Variants in ELL observed in about 807,000 individuals in gnomAD.
ELL encodes elongation factor for RNA polymerase II, also known as RNA polymerase II elongation factor ELL.
In ELL, 18 loss-of-function variants were observed where a neutral mutation model predicts 64.0. The observed-to-expected ratio is 0.28, with a 90% CI of 0.19 to 0.42. The LOEUF (loss-of-function observed/expected upper bound fraction) is 0.42, where lower values mean the gene tolerates loss of function less well. ELL is among the 10% of genes least tolerant of loss of function. The pLI, the probability that ELL is intolerant of heterozygous loss-of-function variation, is 1.00. For missense variants in ELL, 797 were observed against 870.4 expected, an observed-to-expected ratio of 0.92 and a Z score of 1.06; for synonymous variants, 399 against 376.2, an observed-to-expected ratio of 1.06 and a Z score of -0.70.
chr19:18,456,546 C>T (rs896527532), intron 6 of ELL, among the ~76,000 whole-genome samples: 3 of 152,118 alleles, frequency 2.0e-5, no homozygotes, highest in African/African-American at 4.8e-5. Flanking sequence ...TGGCATGGGG[C>T]TCACAGGAGA....
rs749142621 is a variant in ELL, at chr19:18,443,000, AAAC to A, written c.*1749_*1751del. 8 of 231,982 alleles carry A rather than the reference AAAC, an allele frequency of 3.4e-5. No homozygotes were observed. The highest frequency in any genetic ancestry group is 1.8e-4 in the South Asian group (1 of 5,528). The allele number at this position is 231,982 out of a possible 1,614,324, so 14.4% of individuals were successfully genotyped here. On this transcript the variant is annotated 3_prime_UTR_variant, in exon 12 of 12. Transcript: ENST00000262809. ...TAAAAGGAGAACAAATAAACAACAA[AAAC>A]AACAACAACAACAAAAAGGCAAATT... is the stretch of plus-strand genomic sequence containing the variant.
At chr19:18,477,552 C>T (rs1975202931) in intron 1 of ELL, among the ~76,000 whole-genome samples, 1 of 152,202 alleles carries the variant, frequency 6.6e-6, no homozygotes, top group African/African-American at 2.4e-5. Flanking sequence ...CCACAACAGT[C>T]GCCCCAAGTG....
chr19:18,499,505 C>A (rs1266377892), intron 1 of ELL, among the ~76,000 whole-genome samples: 1 of 152,160 alleles, frequency 6.6e-6, no homozygotes, highest in African/African-American at 2.4e-5. Flanking sequence ...AACACAAATA[C>A]AAATCCTGCC....
At chr19:18,504,130 TAAGC>T (rs1362336627) in intron 1 of ELL, among the ~76,000 whole-genome samples, 1 of 152,200 alleles carries the variant, frequency 6.6e-6, no homozygotes, top group African/African-American at 2.4e-5. Flanking sequence ...GCACCTCTGC[TAAGC>T]ATGCATCACT....
chr19:18,487,320 T>C (rs1439535821), intron 1 of ELL, among the ~76,000 whole-genome samples: 1 of 152,224 alleles, frequency 6.6e-6, no homozygotes, highest in Admixed American at 6.5e-5. Flanking sequence ...ATATGTGTCC[T>C]GAGGTGGGCA....
At chr19:18,485,962 G>C (rs1335091864) in intron 1 of ELL, among the ~76,000 whole-genome samples, 3 of 151,674 alleles carry the variant, frequency 2.0e-5, no homozygotes, top group African/African-American at 7.3e-5. Flanking sequence ...CTCCAGCCTG[G>C]GCGACAGAGC....
At chr19:18,474,003 C>T (rs764862239) in intron 1 of ELL, among the ~76,000 whole-genome samples, 3 of 152,240 alleles carry the variant, frequency 2.0e-5, no homozygotes, top group Non-Finnish European at 4.4e-5. Flanking sequence ...AGAGGCCTGT[C>T]GGAAGACCCG....
At position 18,449,690 on chromosome 19, in the gene ELL, G is replaced by A. The variant is rs1474012568; in HGVS notation, c.1465+787C>T. ...GGGCTGCCCTGGGCCAGCTGGCGCC[G>A]AGAGCGAAGTGGCCATCTGCAACTG... On this transcript the variant is annotated intron_variant, in intron 8 of 11. Coordinates refer to ENST00000262809, the MANE Select transcript of ELL (RefSeq NM_006532.4). This position sits in a 1 kb window ranked among gnomAD's most constrained non-coding sequence, Gnocchi z 4.4. Among the ~76,000 whole-genome samples the A allele has an allele frequency of 6.6e-6, 1 of 152,220 alleles. No homozygotes were observed. Among genetic ancestry groups the A allele is most frequent in the African/African-American group, 2.4e-5 (1 of 41,456 alleles).
Position 18,509,033 on chromosome 19 carries a change from T to C in ELL, c.135+12888A>G, listed in dbSNP as rs185878725. On this transcript the variant is annotated intron_variant, in intron 1 of 11. Coordinates refer to ENST00000262809, the MANE Select transcript of ELL (RefSeq NM_006532.4). ...TCCTTGAGGACACAAAAAGAGACCC[T>C]GTGAGTCACCTCTACCACTAATTCC... is the stretch of plus-strand genomic sequence containing the variant. Among the ~76,000 whole-genome samples, 41 of 152,250 alleles carry C rather than the reference T, an allele frequency of 2.7e-4. No individual in the cohort carries two copies. In the East Asian group the frequency reaches 5.6e-3, roughly 21 times the overall value.
chr19:18,521,866 G>A lies in ELL; in HGVS notation c.135+55C>T, dbSNP rs1042443294. 9.2e-6 allele frequency: 14 copies of A among 1,526,418 alleles called. No homozygotes were observed. The Admixed American group carries it at 2.2e-4, about 24-fold the overall frequency. 94.6% of individuals were successfully genotyped at this position (1,526,418 alleles called of 1,614,324 possible). A position where few individuals can be genotyped will look rare whatever the true frequency, so the allele number is the denominator to read the frequency against. ...GGACGCCTCAGTGAGGGGAGCGCGAGGCCGGCCCGCGTCCGGACGTTCCCC... is the reference window on the plus strand; with the variant it reads ...GGACGCCTCAGTGAGGGGAGCGCGAAGCCGGCCCGCGTCCGGACGTTCCCC... On this transcript the variant is annotated intron_variant, in intron 1 of 11. Coordinates refer to ENST00000262809, the MANE Select transcript of ELL (RefSeq NM_006532.4).
At chr19:18,447,730 G>C (rs1156587208) in intron 8 of ELL, among the ~76,000 whole-genome samples, 2 of 152,114 alleles carry the variant, frequency 1.3e-5, no homozygotes, top group Non-Finnish European at 2.9e-5. Context: ...TCTTGCAGTG[G>C]CTTTCTTTCC....
rs780206435 is a variant in ELL at position 18,450,598 on chromosome 19, G to C, written c.1344C>G (p.Pro448=). 7.4e-6 allele frequency: 12 copies of C among 1,612,252 alleles called. No homozygotes were observed. In the East Asian group the frequency reaches 2.7e-4, roughly 36 times the overall value. ...CTTTGTGCTTCTTGGACTTCTTCTTGGGCTTGCTGCGCGAGGGGCTGCCGT... is the reference window on the plus strand; with the variant it reads ...CTTTGTGCTTCTTGGACTTCTTCTTCGGCTTGCTGCGCGAGGGGCTGCCGT... ...RPHGSPSRSK[P]KKKSKKHKDK... is the part of the protein sequence containing the mutation. Residue 448 remains proline (P), a synonymous_variant, in exon 8 of 12, where the codon CCC becomes CCG. Coordinates refer to ENST00000262809, the MANE Select transcript of ELL (RefSeq NM_006532.4).
intron 1 of ELL, among the ~76,000 whole-genome samples, chr19:18,494,744 T>C (rs1975612453): frequency 6.6e-6 from 1 of 152,040 alleles, no homozygotes. Flanking sequence ...CCTCCCCACC[T>C]GTGCTGATGA....
rs552294456 is a variant in ELL at position 18,455,048 on chromosome 19, G to A, written c.869+3157C>T. ...CCCAGCTACTCAGGAGGCTGAGGCA[G>A]GAGAATTGCTTGAACCGGGGAGGCA... On this transcript the variant is annotated intron_variant, in intron 6 of 11. Transcript: ENST00000262809. Among the ~76,000 whole-genome samples, 3 of 149,674 alleles carry A rather than the reference G, an allele frequency of 2.0e-5. No homozygotes were observed. In the South Asian group the frequency reaches 6.4e-4, roughly 32 times the overall value.
intron 2 of ELL, among the ~76,000 whole-genome samples, chr19:18,469,772 T>G (rs578204749): frequency 6.6e-6 from 1 of 152,174 alleles, no homozygotes; most frequent in Admixed American, 6.5e-5. Context: ...CCAGGGGGCG[T>G]TGCTTCCACC....
At chr19:18,479,867 T>C (rs1482991030) in intron 1 of ELL, among the ~76,000 whole-genome samples, 8 of 151,904 alleles carry the variant, frequency 5.3e-5, no homozygotes, top group African/African-American at 1.2e-4. Context: ...CTGGGGACAA[T>C]GAGGCCCAAG....
intron 2 of ELL, among the ~76,000 whole-genome samples, chr19:18,468,224 C>CCATA (rs1555733775): frequency 8.8e-6 from 1 of 113,552 alleles, no homozygotes; most frequent in Non-Finnish European, 1.7e-5. Context: ...CACAAACAAT[C>CCATA]CATACACACA....
At chr19:18,450,401 G>C in intron 8 of ELL, 76 bp downstream of exon 8, 1 of 1,553,864 alleles carries the variant, frequency 6.4e-7, no homozygotes, top group Admixed American at 1.8e-5. Flanking sequence ...GAGCCCCCTC[G>C]ACACCCCATG....
chr19:18,482,308 CTTTTTTTTTTTTTTT>C (rs530594631), intron 1 of ELL, among the ~76,000 whole-genome samples: 1 of 77,578 alleles, frequency 1.3e-5, no homozygotes, highest in East Asian at 3.1e-4. Flanking sequence ...CTTTTCATTC[CTTTTTTTTTTTTTTT>C]TTTTTTTTTT....
Sources: allele counts gnomAD v4.1 joint callset (sites outside exome capture counted in the v4.1 genomes callset), GRCh38; gene constraint gnomAD v4.1.1; non-coding constraint Gnocchi (gnomAD v3.1); transcripts MANE v1.5; gene names NCBI Gene and HGNC (gene_info 2026-07-23, HGNC 2026-07-21).